Variants in TRERF1 observed in about 807,000 individuals in gnomAD.
TRERF1 encodes the protein transcriptional-regulating factor 1.
A neutral mutation model predicts 122.9 loss-of-function variants in TRERF1; 27 were observed. The observed-to-expected ratio is 0.22, with a 90% CI of 0.16 to 0.30. TRERF1 has a LOEUF of 0.30. Among genes scored for constraint, TRERF1 ranks in the 10% least tolerant of loss-of-function variants. The probability of loss-of-function intolerance (pLI) is 1.00; values close to 1 mark genes in which losing one functional copy is unlikely to be tolerated. For synonymous variants in TRERF1, 636 were observed against 641.7 expected (o/e 0.99, Z 0.13); for missense variants, 1,248 against 1,560.3 (o/e 0.80, Z 3.37).
intron 2 of TRERF1, among the ~76,000 whole-genome samples, chr6:42,427,525 A>T (rs1783807633): frequency 6.7e-6 from 1 of 149,744 alleles, no homozygotes; most frequent in South Asian, 2.1e-4. Flanking sequence ...CACTGGGATT[A>T]CAGGTGTGAG....
At chr6:42,367,476 A>T (rs569417504) in intron 2 of TRERF1, among the ~76,000 whole-genome samples, 1 of 152,284 alleles carries the variant, frequency 6.6e-6, no homozygotes, top group Non-Finnish European at 1.5e-5. Context: ...ACGCATGCAC[A>T]ATGGCAAGAG....
At chr6:42,427,648 C>G (rs1230235174) in intron 2 of TRERF1, among the ~76,000 whole-genome samples, 2 of 151,720 alleles carry the variant, frequency 1.3e-5, no homozygotes, top group Non-Finnish European at 2.9e-5. Context: ...CTGCCAGGCT[C>G]AAGCAATCCT....
chr6:42,353,196 A>G (rs536779008), intron 3 of TRERF1, among the ~76,000 whole-genome samples: 8 of 152,220 alleles, frequency 5.3e-5, no homozygotes, highest in African/African-American at 1.9e-4. Context: ...AAAACAACCA[A>G]AACCCCCTTT....
chr6:42,255,874 T>C (rs1260010772), intron 12 of TRERF1, among the ~76,000 whole-genome samples: 3 of 152,062 alleles, frequency 2.0e-5, no homozygotes, highest in Non-Finnish European at 4.4e-5. Context: ...TCCATGCCTG[T>C]AATCCCAGCA....
intron 2 of TRERF1, among the ~76,000 whole-genome samples, chr6:42,388,592 T>G (rs13218495): frequency 6.6e-6 from 1 of 152,048 alleles, no homozygotes; most frequent in Non-Finnish European, 1.5e-5. Context: ...CTAGAACACC[T>G]TTAAACAGCT....
chr6:42,401,357 T>C (rs1450815968), intron 2 of TRERF1, among the ~76,000 whole-genome samples: 1 of 152,210 alleles, frequency 6.6e-6, no homozygotes, highest in Non-Finnish European at 1.5e-5. Flanking sequence ...ACACTTCTCA[T>C]CATTACAATT....
At chr6:42,319,794 CAG>C (rs1423936887) in intron 3 of TRERF1, among the ~76,000 whole-genome samples, 4 of 120,502 alleles carry the variant, frequency 3.3e-5, no homozygotes, top group Non-Finnish European at 4.9e-5. Context: ...GCCTGGGTGA[CAG>C]AGTGAGACTG....
intron 3 of TRERF1, among the ~76,000 whole-genome samples, chr6:42,331,693 C>T (rs73428898): frequency 1.3e-5 from 2 of 152,290 alleles, no homozygotes; most frequent in African/African-American, 2.4e-5. Context: ...GGGGAGGGCA[C>T]CCTGTGAGCC....
At chr6:42,404,465 C>T (rs532908100) in intron 2 of TRERF1, among the ~76,000 whole-genome samples, 1 of 152,108 alleles carries the variant, frequency 6.6e-6, no homozygotes, top group African/African-American at 2.4e-5. Context: ...TTTCATTCCT[C>T]TAAGACTCCC....
At chr6:42,414,782 AAAGGTC>A (rs1468859847) in intron 2 of TRERF1, among the ~76,000 whole-genome samples, 1 of 152,232 alleles carries the variant, frequency 6.6e-6, no homozygotes. Context: ...TTGACGCACT[AAAGGTC>A]TGAACAACCC....
intron 2 of TRERF1, among the ~76,000 whole-genome samples, chr6:42,369,683 C>T (rs1773417377): frequency 6.6e-6 from 1 of 152,180 alleles, no homozygotes; most frequent in African/African-American, 2.4e-5. Flanking sequence ...TTACAAATAT[C>T]TACCAGTTAT....
rs1363546889 is a variant in TRERF1 at position 42,290,176 on chromosome 6, A to G, written c.-259+10462T>C. On this transcript the variant is annotated intron_variant, in intron 4 of 17. Transcript: ENST00000372922. ...TCAGGGGTCATGTCTTCCTCACACC[A>G]GTCAGCACACCGCTTCAAACTGTTT... 2.6e-5 allele frequency among the ~76,000 whole-genome samples: 4 copies of G among 152,210 alleles called. No homozygotes were observed. In the East Asian group the frequency reaches 7.7e-4, roughly 29 times the overall value.
At chr6:42,304,191 T>A (rs950943797) in intron 3 of TRERF1, among the ~76,000 whole-genome samples, 2 of 152,242 alleles carry the variant, frequency 1.3e-5, no homozygotes, top group Admixed American at 1.3e-4. Flanking sequence ...AAGCATTCTA[T>A]TAAAATGATT....
intron 2 of TRERF1, among the ~76,000 whole-genome samples, chr6:42,366,192 C>T (rs1052322991): frequency 6.6e-6 from 1 of 152,206 alleles, no homozygotes; most frequent in Non-Finnish European, 1.5e-5. Flanking sequence ...CTGCATCTAG[C>T]TTCTCTGGGC....
chr6:42,234,501 G>A (rs540995980), intron 16 of TRERF1, among the ~76,000 whole-genome samples: 2 of 151,988 alleles, frequency 1.3e-5, no homozygotes, highest in South Asian at 4.1e-4. Flanking sequence ...CCACGCCCAG[G>A]TAAGTTTTGT....
chr6:42,374,150 A>AAGAAGAAGAAGAAGAAGAAGAAGAAG (rs1554193491), intron 2 of TRERF1, among the ~76,000 whole-genome samples: 16 of 144,034 alleles, frequency 1.1e-4, no homozygotes, highest in African/African-American at 3.9e-4. Flanking sequence ...AAAAAAAAAA[A>AAGAAGAAGAAGAAGAAGAAGAAGAAG]AAGAAGAAGA....
rs550468363 is a variant in TRERF1, at chr6:42,263,125, A to G, written c.1884+195T>C. 5.7e-5 allele frequency: 75 copies of G among 1,306,552 alleles called. No homozygotes were observed. The highest frequency in any genetic ancestry group is 4.6e-4 in the African/African-American group (31 of 66,860). 80.9% of individuals were successfully genotyped at this position (1,306,552 alleles called of 1,614,324 possible). ...AGTGTGAACAAGGGTAGGGTTCCCA[A>G]TGTGGCCACGGGTTCAGCCCTGAGA... On this transcript the variant is annotated intron_variant, in intron 8 of 17. Coordinates refer to ENST00000372922, the Ensembl canonical transcript of TRERF1. The surrounding 1 kb of genome is among the most constrained non-coding windows in gnomAD (Gnocchi z 5.6).
chr6:42,379,613 C>T (rs185220905), intron 2 of TRERF1, among the ~76,000 whole-genome samples: 1 of 152,268 alleles, frequency 6.6e-6, no homozygotes, highest in East Asian at 1.9e-4. Context: ...TCACTGCAGC[C>T]TTGACTTTCC....
At chr6:42,353,122 G>A (rs1769791632) in intron 3 of TRERF1, among the ~76,000 whole-genome samples, 2 of 151,996 alleles carry the variant, frequency 1.3e-5, no homozygotes, top group South Asian at 4.1e-4. Context: ...AGTGAGCTGT[G>A]ATCACACCAC....
Sources: gnomAD v4.1 joint callset for allele counts (sites outside exome capture counted in the v4.1 genomes callset) on GRCh38, gnomAD v4.1.1 for gene constraint, Gnocchi (gnomAD v3.1) non-coding constraint, MANE v1.5 for transcripts, NCBI Gene and HGNC (gene_info 2026-07-23, HGNC 2026-07-21) for gene names.